The following MRTFB variants were observed in gnomAD, a reference collection of about 807,000 sequenced individuals.
MRTFB encodes myocardin-related transcription factor B.
Under a neutral mutation model 104.2 loss-of-function variants are expected in MRTFB, and 29 were observed. The ratio of observed to expected loss-of-function variants is 0.28; its 90% CI spans 0.21 to 0.38. The LOEUF is 0.38. Ranked by LOEUF, MRTFB falls within the 10% of genes least tolerant of loss-of-function variation. The probability of loss-of-function intolerance (pLI) is 1.00; values close to 1 mark genes in which losing one functional copy is unlikely to be tolerated. For synonymous variants in MRTFB, 535 were observed against 519.5 expected, an observed-to-expected ratio of 1.03 and a Z score of -0.41; for missense variants, 1,270 against 1,341.6, an observed-to-expected ratio of 0.95 and a Z score of 0.83.
chr16:14,076,135 A>T (rs1419879215), intron 1 of MRTFB, among the ~76,000 whole-genome samples: 2 of 151,496 alleles, frequency 1.3e-5, no homozygotes, highest in Non-Finnish European at 2.9e-5. Context: ...CTTTTTTTTT[A>T]AAGTTAATAT....
At chr16:14,057,536 C>T in the MRTFB span, among the ~76,000 whole-genome samples, 1 of 152,148 alleles carries the variant, frequency 6.6e-6, no homozygotes, top group African/African-American at 2.4e-5. Context: ...CCTTTCATGG[C>T]TGGGTCATCA....
intron 2 of MRTFB, among the ~76,000 whole-genome samples, chr16:14,099,668 T>C (rs1026843202): frequency 6.9e-6 from 1 of 145,274 alleles, no homozygotes; most frequent in African/African-American, 2.7e-5. Flanking sequence ...ATCTTTTCTT[T>C]TCTTTTTTTT....
the MRTFB span, among the ~76,000 whole-genome samples, chr16:14,014,948 C>T: frequency 6.6e-6 from 1 of 152,206 alleles, no homozygotes; most frequent in African/African-American, 2.4e-5. Context: ...AACACCTCCA[C>T]ACTCCCCACA....
chr16:14,225,973 C>A (rs140748131), intron 8 of MRTFB, among the ~76,000 whole-genome samples: 1 of 152,148 alleles, frequency 6.6e-6, no homozygotes, highest in Non-Finnish European at 1.5e-5. Flanking sequence ...GGGCCAACCA[C>A]CAGTCATCAT....
At chr16:14,114,979 G>C (rs1283309853) in intron 2 of MRTFB, among the ~76,000 whole-genome samples, 2 of 152,210 alleles carry the variant, frequency 1.3e-5, no homozygotes, top group Non-Finnish European at 2.9e-5. Context: ...AAGGATGAAT[G>C]AATGAGAGTG....
intron 2 of MRTFB, among the ~76,000 whole-genome samples, chr16:14,129,139 A>G (rs1253193328): frequency 6.6e-6 from 1 of 152,202 alleles, no homozygotes; most frequent in East Asian, 1.9e-4. Context: ...CATGTGCCAT[A>G]GTTGTTTATT....
chr16:14,202,425 C>T (rs933351163), intron 3 of MRTFB, among the ~76,000 whole-genome samples: 2 of 152,066 alleles, frequency 1.3e-5, no homozygotes, highest in Non-Finnish European at 2.9e-5. Flanking sequence ...ATTCTTAAAT[C>T]AAGATACTAA....
rs971364863 is a variant in MRTFB at position 14,200,164 on chromosome 16, C to T, written c.155-10079C>T. 4.9e-5 allele frequency: 38 copies of T among 780,202 alleles called. No individual in the cohort carries two copies. In the African/African-American group the frequency reaches 6.1e-4, roughly 13 times the overall value. The allele number at this position is 780,202 out of a possible 1,614,324, so 48.3% of individuals were successfully genotyped here. Reference sequence around the variant, plus strand: ...TTATAGGTATATCATCAAAGGATGCCCCCAAAATGAATGAGGATATTCATT... The same window carrying T: ...TTATAGGTATATCATCAAAGGATGCTCCCAAAATGAATGAGGATATTCATT... On this transcript the variant is annotated intron_variant, in intron 3 of 16. Transcript: ENST00000571589.
At chr16:14,156,980 A>C (rs1450915184) in intron 3 of MRTFB, among the ~76,000 whole-genome samples, 1 of 151,620 alleles carries the variant, frequency 6.6e-6, no homozygotes, top group Non-Finnish European at 1.5e-5. Flanking sequence ...ACCACTCCCC[A>C]CTCCCCCATG....
chr16:14,041,623 T>C, the MRTFB span, among the ~76,000 whole-genome samples: 308 of 152,254 alleles, frequency 2.0e-3, 2 homozygotes, highest in African/African-American at 7.2e-3. Flanking sequence ...GCTATGAACA[T>C]GAGTATATAA....
intron 2 of MRTFB, among the ~76,000 whole-genome samples, chr16:14,134,565 CCTT>C (rs1324719904): frequency 4.6e-5 from 7 of 152,194 alleles, no homozygotes; most frequent in Admixed American, 2.0e-4. Context: ...GGTCTTGCCT[CCTT>C]TGAGAGCAGG....
rs2041230301 is a variant in MRTFB at position 14,212,378 on chromosome 16, A to G, written c.245A>G (p.His82Arg). The stretch of plus-strand genomic sequence containing the variant: ...GCTTTGAAGAGCCCAGCGGCATTCC[A>G]TGAACAGATAAAAAGCTTGGAACGA... ...MPPLKSPAAF[H>R]EQIKSLERAR... The change falls in exon 5 of 17, where the codon CAT becomes CGT. Residue 82 changes from histidine to arginine, a missense_variant. Physicochemically the swap from His to Arg is conservative, Grantham distance 29. Around this residue, in one of 3 missense-constraint regions of MRTFB, gnomAD observed 64 missense variants for 152.9 expected, o/e 0.42. Coordinates refer to ENST00000571589, the MANE Select transcript of MRTFB (RefSeq NM_001308142.2). The G allele has an allele frequency of 6.2e-7, 1 of 1,613,998 alleles. No individual in the cohort carries two copies. Among genetic ancestry groups the G allele is most frequent in the Non-Finnish European group, 8.5e-7 (1 of 1,179,888 alleles).
intron 8 of MRTFB, among the ~76,000 whole-genome samples, chr16:14,231,147 G>A (rs924583649): frequency 2.7e-5 from 4 of 148,212 alleles, no homozygotes; most frequent in South Asian, 2.2e-4. Context: ...GTAAGGGGAG[G>A]GGGGAGGGAT....
rs557031352 is a variant in MRTFB at position 14,136,762 on chromosome 16, T to C, written c.-63-3782T>C. Among the ~76,000 whole-genome samples the C allele has an allele frequency of 3.0e-4, 46 of 151,970 alleles. No individual in the cohort carries two copies. The South Asian group carries it at 7.1e-3, about 23-fold the overall frequency. Reference sequence around the variant, plus strand: ...TGTAATGCCTCTTGGGTTTTTTTTTTCCCCCTGTATTTTTTTCCCCTACCT... The same window carrying C: ...TGTAATGCCTCTTGGGTTTTTTTTTCCCCCCTGTATTTTTTTCCCCTACCT... On this transcript the variant is annotated intron_variant, in intron 2 of 16. Coordinates refer to ENST00000571589, the MANE Select transcript of MRTFB (RefSeq NM_001308142.2).
intron 3 of MRTFB, among the ~76,000 whole-genome samples, chr16:14,171,335 G>A (rs2039416091): frequency 6.6e-6 from 1 of 152,024 alleles, no homozygotes; most frequent in Non-Finnish European, 1.5e-5. Context: ...CCAGCACTTT[G>A]GGAGGCCAAG....
chr16:14,250,744 G>A (rs1031834613), intron 13 of MRTFB, among the ~76,000 whole-genome samples: 1 of 152,196 alleles, frequency 6.6e-6, no homozygotes, highest in African/African-American at 2.4e-5. Flanking sequence ...ATGCCGCAAG[G>A]CTGCTGCAGA....
chr16:14,097,592 C>A (rs2035457172), intron 2 of MRTFB, among the ~76,000 whole-genome samples: 2 of 152,168 alleles, frequency 1.3e-5, no homozygotes, highest in South Asian at 4.1e-4. Flanking sequence ...GTATAATTGG[C>A]ATCCAGTAAA....
chr16:14,022,801 G>T, the MRTFB span, among the ~76,000 whole-genome samples: 1 of 137,626 alleles, frequency 7.3e-6, no homozygotes, highest in Non-Finnish European at 1.5e-5. Flanking sequence ...CCAGACTGAA[G>T]TGCAGTGGCC....
chr16:14,087,616 G>A (rs1765869210), intron 2 of MRTFB, among the ~76,000 whole-genome samples: 1 of 152,200 alleles, frequency 6.6e-6, no homozygotes, highest in African/African-American at 2.4e-5. Flanking sequence ...AAGATTAAGT[G>A]TTTGTGTATG....
Sources: allele counts gnomAD v4.1 joint callset (sites outside exome capture counted in the v4.1 genomes callset), GRCh38; gene constraint gnomAD v4.1.1; regional missense constraint gnomAD v4.1.1; transcripts MANE v1.5; gene names NCBI Gene and HGNC (gene_info 2026-07-23, HGNC 2026-07-21).